Variants in HENMT1 observed in about 807,000 individuals in gnomAD.
HENMT1 encodes small RNA 2'-O-methyltransferase.
A neutral mutation model predicts 31.1 loss-of-function variants in HENMT1; 27 were observed. The ratio of observed to expected loss-of-function variants is 0.87; its 90% CI spans 0.64 to 1.20. The LOEUF (loss-of-function observed/expected upper bound fraction) is 1.20, where lower values mean the gene tolerates loss of function less well. Ranked by LOEUF, HENMT1 falls within the 50% of genes most tolerant of loss-of-function variation. The pLI, the probability that HENMT1 is intolerant of heterozygous loss-of-function variation, is 0.00. For missense variants in HENMT1, 438 were observed against 469.6 expected (o/e 0.93, Z 0.62); for synonymous variants, 167 against 172.2 (o/e 0.97, Z 0.24).
Position 108,654,280 on chromosome 1 carries a change from A to G in HENMT1, c.398+436T>C, listed in dbSNP as rs186800966. Among the ~76,000 whole-genome samples the G allele has an allele frequency of 4.0e-3, 602 of 152,218 alleles. 1 individual carries two copies. Among genetic ancestry groups the G allele is most frequent in the African/African-American group, 0.014 (573 of 41,536 alleles). ...ATACCAGAACCACGATGTTTTTATTACTACTGCTTTGTAGTACATTTTCAA... is the reference window on the plus strand; with the variant it reads ...ATACCAGAACCACGATGTTTTTATTGCTACTGCTTTGTAGTACATTTTCAA... On this transcript the variant is annotated intron_variant, in intron 5 of 7. Coordinates refer to ENST00000651461, the MANE Select transcript of HENMT1 (RefSeq NM_001102592.2).
chr1:108,655,633 T>C lies in HENMT1; in HGVS notation c.216A>G (p.Glu72=). 11 of 1,612,200 alleles carry C rather than the reference T, an allele frequency of 6.8e-6. No homozygotes were observed. The highest frequency in any genetic ancestry group is 1.1e-5 in the South Asian group (1 of 90,694). ...CATTAATATCTACTCCAACAAGCAA[T>C]TCAATGCATGGATTGACTTTTAGCA... The part of the protein sequence containing the change: ...LRLLKVNPCI[E]LLVGVDINED... Residue 72 remains glutamate, a synonymous_variant, in exon 4 of 8, where the codon GAA becomes GAG. Transcript: ENST00000651461.
At position 108,648,376 on chromosome 1, in the gene HENMT1, C is replaced by A; in HGVS notation, c.*190G>T. 6 of 565,574 alleles carry A rather than the reference C, an allele frequency of 1.1e-5. No homozygotes were observed. Among genetic ancestry groups the A allele is most frequent in the East Asian group, 2.9e-5 (1 of 34,158 alleles). The allele number at this position is 565,574 out of a possible 1,614,324, so 35.0% of individuals were successfully genotyped here. On this transcript the variant is annotated 3_prime_UTR_variant, in exon 8 of 8. Coordinates refer to ENST00000651461, the MANE Select transcript of HENMT1 (RefSeq NM_001102592.2). ...TCAAAGGAAAGCACCCGTTTTAAAC[C>A]CTCATATCTTTCTCAGGGCTCACTG... is the stretch of plus-strand genomic sequence containing the variant.
rs1343918287 is a variant in HENMT1 at position 108,651,187 on chromosome 1, C to G, written c.421G>C (p.Asp141His). 6.2e-7 allele frequency: 1 copy of G among 1,613,630 alleles called. No homozygotes were observed. The highest frequency in any genetic ancestry group is 2.2e-5 in the East Asian group (1 of 44,874). Residue 141 changes from aspartate to histidine, a missense_variant, in exon 6 of 8, where the codon GAT (aspartate) becomes CAT (histidine). Physicochemically the swap from Asp to His is moderately conservative, Grantham distance 81 (BLOSUM62 -1). Transcript: ENST00000651461. ...ACCACTTCAGGAAATCTGGCCAGATCACCTGAATCCAAATGTTCTATTCTA... is the reference window on the plus strand; with the variant it reads ...ACCACTTCAGGAAATCTGGCCAGATGACCTGAATCCAAATGTTCTATTCTA... ...IELIEHLDSG[D>H]LARFPEVVFG...
At chr1:108,650,727 G>A (rs1053659044) in intron 6 of HENMT1, among the ~76,000 whole-genome samples, 2 of 152,112 alleles carry the variant, frequency 1.3e-5, no homozygotes, top group Non-Finnish European at 2.9e-5. Flanking sequence ...GAGATATCCC[G>A]GGGAGGGGCA....
chr1:108,650,459 G>T, intron 6 of HENMT1, 71 bp from the exon 7 acceptor site: 1 of 1,347,294 alleles, frequency 7.4e-7, no homozygotes, highest in Non-Finnish European at 1.0e-6. Flanking sequence ...AACCATTTCT[G>T]GTCAGCAGTA....
At chr1:108,654,469 T>C (rs914259157) in intron 5 of HENMT1, among the ~76,000 whole-genome samples, 1 of 152,190 alleles carries the variant, frequency 6.6e-6, no homozygotes, top group Non-Finnish European at 1.5e-5. Context: ...ATTTAAAAAG[T>C]GAGATGTTAA....
intron 3 of HENMT1, among the ~76,000 whole-genome samples, chr1:108,657,038 C>T (rs901274518): frequency 2.6e-5 from 4 of 152,196 alleles, no homozygotes; most frequent in Non-Finnish European, 5.9e-5. Flanking sequence ...GATAAGATTC[C>T]TTGTGTTTCC....
chr1:108,649,337 A>T, intron 7 of HENMT1: 1 of 467,478 alleles, frequency 2.1e-6, no homozygotes, highest in South Asian at 1.5e-5. Flanking sequence ...GCAGTGACTC[A>T]CACCTGTAAT....
intron 5 of HENMT1, among the ~76,000 whole-genome samples, chr1:108,652,458 A>T (rs1023375540): frequency 2.2e-4 from 34 of 152,242 alleles, no homozygotes; most frequent in Non-Finnish European, 4.3e-4. Flanking sequence ...AAATCTAGGT[A>T]AAGAACAGAT....
chr1:108,655,876 C>T (rs1280938026), intron 3 of HENMT1, among the ~76,000 whole-genome samples, 178 bp from the exon 4 acceptor site: 2 of 151,624 alleles, frequency 1.3e-5, no homozygotes, highest in East Asian at 1.9e-4. Context: ...CACACACACA[C>T]ACACACACAC....
In HENMT1 at chr1:108,661,013, G is replaced by A; in HGVS notation, c.-129C>T. ...CGGGCCGTCGCTTCCATCATCCTGC[G>A]GTAAGCAGCATGCCCAACCGAAAAA... On this transcript the variant is annotated 5_prime_UTR_variant, in exon 1 of 8. Coordinates refer to ENST00000651461, the MANE Select transcript of HENMT1 (RefSeq NM_001102592.2). The A allele has an allele frequency of 1.0e-6, 1 of 985,022 alleles. No homozygotes were observed. The highest frequency in any genetic ancestry group is 1.2e-6 in the Non-Finnish European group (1 of 829,644). 61.0% of individuals were successfully genotyped at this position (985,022 alleles called of 1,614,324 possible).
rs1657937814 is a variant in HENMT1 at position 108,648,429 on chromosome 1, G to A, written c.*137C>T. ...GTCTGGCCATATCTCAAGCAGGTCT[G>A]TCCAATGGCTTGGAACATAGACTTT... On this transcript the variant is annotated 3_prime_UTR_variant, in exon 8 of 8. Transcript: ENST00000651461. 1.4e-6 allele frequency: 1 copy of A among 736,374 alleles called. No individual in the cohort carries two copies. The highest frequency in any genetic ancestry group is 1.9e-5 in the South Asian group (1 of 52,716). The allele number at this position is 736,374 out of a possible 1,614,324, so 45.6% of individuals were successfully genotyped here. A position where few individuals can be genotyped will look rare whatever the true frequency, so the allele number is the denominator to read the frequency against.
Position 108,651,246 on chromosome 1 carries a change from G to A in HENMT1, c.399-37C>T, listed in dbSNP as rs1418916934. On this transcript the variant is annotated intron_variant, in intron 5 of 7. Transcript: ENST00000651461. ...AATGAGAAAGACATAATAAAATCTA[G>A]CTTCACTTGCACCTATTTTTCTAAT... 4.6e-6 allele frequency: 7 copies of A among 1,518,692 alleles called. No individual in the cohort carries two copies. In the African/African-American group the frequency reaches 6.9e-5, roughly 15 times the overall value. The allele number at this position is 1,518,692 out of a possible 1,614,324, so 94.1% of individuals were successfully genotyped here.
At chr1:108,657,397 T>C (rs1038046849) in intron 3 of HENMT1, 54 bp downstream of exon 3, 4 of 1,332,102 alleles carry the variant, frequency 3.0e-6, no homozygotes, top group African/African-American at 1.5e-5. Flanking sequence ...AAACACCTCA[T>C]ATGACTAGTC....
rs76395598 is a variant in HENMT1, at chr1:108,651,902, C to G, written c.399-693G>C. ...TATCAATACCTCTAAAAAAAAGTCT[C>G]TGAGGTTATACCTCCCTGATATAAT... On this transcript the variant is annotated intron_variant, in intron 5 of 7. Transcript: ENST00000651461. 8.6e-3 allele frequency among the ~76,000 whole-genome samples: 1,310 copies of G among 152,256 alleles called. 17 individuals carry two copies. Among genetic ancestry groups the G allele is most frequent in the African/African-American group, 0.03 (1,240 of 41,538 alleles).
chr1:108,661,447 C>T (rs1293079266), upstream of HENMT1: 1 of 152,346 alleles, frequency 6.6e-6, no homozygotes, highest in African/African-American at 2.4e-5. Context: ...CCGAGCGCGT[C>T]CGCAGACCGC....
chr1:108,651,769 G>A (rs1658064711), intron 5 of HENMT1, among the ~76,000 whole-genome samples: 1 of 150,404 alleles, frequency 6.6e-6, no homozygotes, highest in Non-Finnish European at 1.5e-5. Flanking sequence ...GAGGGGAGGG[G>A]GAAAAAGAAC....
At chr1:108,660,504 G>A (rs1056419708) in intron 1 of HENMT1, among the ~76,000 whole-genome samples, 1 of 152,192 alleles carries the variant, frequency 6.6e-6, no homozygotes, top group African/African-American at 2.4e-5. Context: ...ATAAACTAGA[G>A]ATGCTCCAAC....
chr1:108,659,918 G>C lies in HENMT1; in HGVS notation c.-34C>G, dbSNP rs761527016. On this transcript the variant is annotated 5_prime_UTR_variant, in exon 2 of 8. In the 5' UTR this introduces an upstream ATG that the reference lacks. Coordinates refer to ENST00000651461, the MANE Select transcript of HENMT1 (RefSeq NM_001102592.2). ...GAAGTTTTGTTGAAACAAAAATGAA[G>C]ATTTATCCTTCAAGCTCTATTTGAG... 1 of 1,593,256 alleles carries C rather than the reference G, an allele frequency of 6.3e-7. No individual in the cohort carries two copies. Among genetic ancestry groups the C allele is most frequent in the Non-Finnish European group, 8.5e-7 (1 of 1,170,776 alleles).
Sources: allele counts gnomAD v4.1 joint callset (sites outside exome capture counted in the v4.1 genomes callset), GRCh38; gene constraint gnomAD v4.1.1; transcripts MANE v1.5; gene names NCBI Gene and HGNC (gene_info 2026-07-23, HGNC 2026-07-21).